GDA: variants seen among roughly 807,000 people sequenced by gnomAD.
The protein encoded by GDA is cytoplasmic PSD-95 interactor.
GDA carries 18 observed loss-of-function variants against 59.6 expected under a neutral mutation model. The observed-to-expected ratio is 0.30, with a 90% CI of 0.21 to 0.45. The LOEUF is 0.45. Among genes scored for constraint, GDA ranks in the 20% least tolerant of loss-of-function variants. The pLI, the probability that GDA is intolerant of heterozygous loss-of-function variation, is 1.00. For synonymous variants in GDA, 201 were observed against 201.1 expected, an observed-to-expected ratio of 1.00 and a Z score of 0.00; for missense variants, 427 against 552.3, an observed-to-expected ratio of 0.77 and a Z score of 2.27.
chr9:72,240,336 A>C (rs1839473804), intron 10 of GDA, among the ~76,000 whole-genome samples: 1 of 152,204 alleles, frequency 6.6e-6, no homozygotes, highest in African/African-American at 2.4e-5. Context: ...GGTTAGGATA[A>C]ATTTTTAGTG....
intron 2 of GDA, chr9:72,197,593 A>C (rs1198968141): frequency 2.6e-5 from 4 of 152,078 alleles, no homozygotes; most frequent in Non-Finnish European, 5.9e-5. Context: ...CCTCTTTATG[A>C]GGTTGCTTTT....
chr9:72,245,322 T>C, intron 12 of GDA, 44 bp downstream of exon 12: 1 of 1,448,190 alleles, frequency 6.9e-7, no homozygotes, highest in East Asian at 2.3e-5. Context: ...TTTCATAAAG[T>C]CGTCATAATA....
At chr9:72,149,782 A>C in intron 1 of GDA, 100 bp downstream of exon 1, 2 of 1,244,912 alleles carry the variant, frequency 1.6e-6, no homozygotes, top group Non-Finnish European at 2.2e-6. Context: ...CTCGGTGCGC[A>C]GTGAGCGCCG....
In GDA at chr9:72,249,423, G is replaced by A. The variant is rs1840476347; in HGVS notation, c.*1081G>A. 5.4e-6 allele frequency: 5 copies of A among 922,144 alleles called. No individual in the cohort carries two copies. Among genetic ancestry groups the A allele is most frequent in the Non-Finnish European group, 6.5e-6 (5 of 772,390 alleles). The allele number at this position is 922,144 out of a possible 1,614,324, so 57.1% of individuals were successfully genotyped here. A position where few individuals can be genotyped will look rare whatever the true frequency, so the allele number is the denominator to read the frequency against. ...AATCTTTAAACCCTGTGTATTGAAA[G>A]CACTCTATTTTCTAATTTTATCCAG... On this transcript the variant is annotated 3_prime_UTR_variant, in exon 14 of 14. Coordinates refer to ENST00000358399, the MANE Select transcript of GDA (RefSeq NM_004293.5).
intron 1 of GDA, among the ~76,000 whole-genome samples, chr9:72,166,888 A>G (rs554455138): frequency 6.6e-6 from 1 of 152,200 alleles, no homozygotes; most frequent in South Asian, 2.1e-4. Flanking sequence ...CCATAATGCC[A>G]ATTTGGTGCT....
At chr9:72,157,386 C>G (rs1828041611) in intron 1 of GDA, among the ~76,000 whole-genome samples, 1 of 152,138 alleles carries the variant, frequency 6.6e-6, no homozygotes, top group Non-Finnish European at 1.5e-5. Flanking sequence ...GTCTAAATCT[C>G]TGTTAGTTGG....
intron 1 of GDA, among the ~76,000 whole-genome samples, chr9:72,139,980 T>TTGC (rs1358255149): frequency 1.3e-5 from 2 of 152,158 alleles, no homozygotes; most frequent in African/African-American, 4.8e-5. Context: ...CCTGCTGTTT[T>TTGC]TGCTGCCCAG....
At chr9:72,176,562 T>C (rs908319674) in intron 1 of GDA, among the ~76,000 whole-genome samples, 11 of 152,184 alleles carry the variant, frequency 7.2e-5, no homozygotes, top group Non-Finnish European at 1.3e-4. Flanking sequence ...ACAGCATCCC[T>C]GACAGATGGT....
intron 1 of GDA, among the ~76,000 whole-genome samples, chr9:72,175,998 C>T (rs1830505704): frequency 6.6e-6 from 1 of 152,142 alleles, no homozygotes; most frequent in South Asian, 2.1e-4. Flanking sequence ...CTTGAAACAA[C>T]AATAAAAATG....
chr9:72,192,850 A>G (rs1832724937), intron 1 of GDA, among the ~76,000 whole-genome samples: 2 of 151,954 alleles, frequency 1.3e-5, no homozygotes, highest in South Asian at 4.2e-4. Context: ...ACTGCACTGT[A>G]GCCTGGTGAC....
intron 1 of GDA, among the ~76,000 whole-genome samples, chr9:72,122,097 A>G (rs931982129): frequency 6.6e-6 from 1 of 152,174 alleles, no homozygotes; most frequent in Non-Finnish European, 1.5e-5. Flanking sequence ...GATTTCATCC[A>G]CTCATACAAC....
chr9:72,195,273 A>G (rs1237659198), intron 1 of GDA, among the ~76,000 whole-genome samples: 2 of 149,906 alleles, frequency 1.3e-5, no homozygotes, highest in African/African-American at 2.5e-5. Context: ...TCAGATTGAT[A>G]TTATGGCAGA....
chr9:72,229,338 A>C (rs573316878), intron 9 of GDA, among the ~76,000 whole-genome samples: 1 of 152,028 alleles, frequency 6.6e-6, no homozygotes, highest in African/African-American at 2.4e-5. Flanking sequence ...GCGACAGAGC[A>C]AGACTCCATC....
intron 1 of GDA, among the ~76,000 whole-genome samples, chr9:72,170,315 A>G (rs1829808852): frequency 6.6e-6 from 1 of 152,238 alleles, no homozygotes; most frequent in African/African-American, 2.4e-5. Flanking sequence ...AGTTCTATAT[A>G]AAAGATACAG....
At chr9:72,225,611 G>A (rs1837454374) in intron 7 of GDA, 66 bp from the exon 8 acceptor site, 2 of 759,812 alleles carry the variant, frequency 2.6e-6, no homozygotes, top group Admixed American at 2.3e-5. Context: ...CCATTTTGAG[G>A]TAGGAAGTGT....
intron 8 of GDA, among the ~76,000 whole-genome samples, chr9:72,227,153 C>T (rs944135218): frequency 1.3e-5 from 2 of 152,044 alleles, no homozygotes; most frequent in Non-Finnish European, 2.9e-5. Context: ...TGAACCGTGC[C>T]TCTCAAAGGG....
chr9:72,150,208 A>G (rs1827015698), intron 1 of GDA, among the ~76,000 whole-genome samples: 1 of 152,132 alleles, frequency 6.6e-6, no homozygotes, highest in South Asian at 2.1e-4. Context: ...CAACAGAGAT[A>G]ATATACTAAC....
intron 1 of GDA, among the ~76,000 whole-genome samples, chr9:72,188,345 A>G (rs1832101159): frequency 6.6e-6 from 1 of 152,176 alleles, no homozygotes; most frequent in South Asian, 2.1e-4. Flanking sequence ...GCTAGGAGCA[A>G]CCTACACAGG....
rs1434639942 is a variant in GDA, at chr9:72,174,759, T to TAG, written c.124-20740_124-20739insGA. Among the ~76,000 whole-genome samples, 1,256 of 149,368 alleles carry TAG rather than the reference T, an allele frequency of 8.4e-3. 8 individuals are homozygous for TAG. Among genetic ancestry groups the TAG allele is most frequent in the Non-Finnish European group, 0.011 (731 of 67,682 alleles). On this transcript the variant is annotated intron_variant, in intron 1 of 13. Coordinates refer to ENST00000358399, the MANE Select transcript of GDA (RefSeq NM_004293.5). ...ACTGTTGAGGTTATATATATATATA[T>TAG]ATAGAGAGAGAGAGAGAGAGACAGA... is the stretch of plus-strand genomic sequence containing the variant.
Sources: allele counts gnomAD v4.1 joint callset (sites outside exome capture counted in the v4.1 genomes callset), GRCh38; gene constraint gnomAD v4.1.1; transcripts MANE v1.5; gene names NCBI Gene and HGNC (gene_info 2026-07-23, HGNC 2026-07-21).